SLC24A2: variants seen among roughly 807,000 people sequenced by gnomAD.
SLC24A2 encodes sodium/potassium/calcium exchanger 2.
A neutral mutation model predicts 62.0 loss-of-function variants in SLC24A2; 36 were observed. The observed-to-expected ratio is 0.58, with a 90% CI of 0.44 to 0.77. The LOEUF is 0.77. Ranked by LOEUF, SLC24A2 falls within the 30% of genes least tolerant of loss-of-function variation. The pLI is 0.00. For missense variants in SLC24A2, 846 were observed against 817.9 expected, an observed-to-expected ratio of 1.03 and a Z score of -0.42; for synonymous variants, 358 against 294.0, an observed-to-expected ratio of 1.22 and a Z score of -2.23.
chr9:20,196,014 G>A, the SLC24A2 span, among the ~76,000 whole-genome samples: 2 of 152,040 alleles, frequency 1.3e-5, no homozygotes, highest in Admixed American at 1.3e-4. Flanking sequence ...TACAATATCT[G>A]TTTAATAGCA....
At chr9:19,541,972 G>C (rs1834286219) in intron 8 of SLC24A2, among the ~76,000 whole-genome samples, 1 of 152,176 alleles carries the variant, frequency 6.6e-6, no homozygotes, top group South Asian at 2.1e-4. Flanking sequence ...CGATTTTCCA[G>C]GTGCCGTCTG....
chr9:19,824,067 C>T, the SLC24A2 span, among the ~76,000 whole-genome samples: 1 of 152,128 alleles, frequency 6.6e-6, no homozygotes, highest in African/African-American at 2.4e-5. Flanking sequence ...ACCATAAAAA[C>T]CCTAGAAGAA....
chr9:20,051,657 C>CTTTTTTTTTTTTTTCTTTTT, the SLC24A2 span, among the ~76,000 whole-genome samples: 1 of 73,516 alleles, frequency 1.4e-5, no homozygotes, highest in African/African-American at 6.1e-5. Context: ...TTTTCTTTCT[C>CTTTTTTTTTTTTTTCTTTTT]TTTTTTTTTT....
intron 2 of SLC24A2, among the ~76,000 whole-genome samples, chr9:19,663,721 G>T (rs1418506828): frequency 1.3e-5 from 2 of 152,148 alleles, no homozygotes; most frequent in Non-Finnish European, 2.9e-5. Context: ...CTCTGTAATG[G>T]AGTCTGCCCA....
chr9:19,695,763 A>G (rs1487244504), intron 2 of SLC24A2, among the ~76,000 whole-genome samples: 1 of 151,768 alleles, frequency 6.6e-6, no homozygotes, highest in African/African-American at 2.4e-5. Context: ...TAGACTATTC[A>G]TATAATTTGA....
At chr9:19,726,971 T>C (rs984487129) in intron 2 of SLC24A2, among the ~76,000 whole-genome samples, 1 of 152,222 alleles carries the variant, frequency 6.6e-6, no homozygotes, top group South Asian at 2.1e-4. Flanking sequence ...TAGATCATCA[T>C]ACTGTCAGAG....
the SLC24A2 span, among the ~76,000 whole-genome samples, chr9:20,116,103 G>A: frequency 5.3e-5 from 8 of 152,136 alleles, no homozygotes; most frequent in Non-Finnish European, 8.8e-5. Flanking sequence ...GTTGTCTCAA[G>A]ACCAAAAAGT....
chr9:19,833,867 C>G, the SLC24A2 span, among the ~76,000 whole-genome samples: 6 of 152,210 alleles, frequency 3.9e-5, no homozygotes, highest in African/African-American at 1.2e-4. Context: ...GGGTACTCCT[C>G]TGAGACAAAA....
At chr9:19,922,520 C>G in the SLC24A2 span, among the ~76,000 whole-genome samples, 5 of 152,094 alleles carry the variant, frequency 3.3e-5, no homozygotes, top group Non-Finnish European at 5.9e-5. Flanking sequence ...TCCTTGGGGA[C>G]TGAGGGTTTA....
At chr9:20,137,210 A>G in the SLC24A2 span, among the ~76,000 whole-genome samples, 1 of 152,232 alleles carries the variant, frequency 6.6e-6, no homozygotes, top group Admixed American at 6.5e-5. Flanking sequence ...AAAGTCTATA[A>G]TAAGAGGCAC....
chr9:19,767,968 T>C (rs1356474148), intron 2 of SLC24A2, among the ~76,000 whole-genome samples: 1 of 152,184 alleles, frequency 6.6e-6, no homozygotes, highest in Non-Finnish European at 1.5e-5. Context: ...TGAGGCAGCA[T>C]GGGGCATCGC....
At chr9:19,752,207 A>G (rs1487942179) in intron 2 of SLC24A2, among the ~76,000 whole-genome samples, 1 of 152,126 alleles carries the variant, frequency 6.6e-6, no homozygotes, top group Non-Finnish European at 1.5e-5. Flanking sequence ...GACTTGATCC[A>G]GGATGGAGCT....
the SLC24A2 span, among the ~76,000 whole-genome samples, chr9:20,233,865 T>C: frequency 0.022 from 3,285 of 152,290 alleles, 130 homozygotes; most frequent in African/African-American, 0.074. Flanking sequence ...TGGCTGGTAC[T>C]GGTTGTCCCT....
At chr9:19,766,452 T>C (rs572291493) in intron 2 of SLC24A2, among the ~76,000 whole-genome samples, 1 of 152,350 alleles carries the variant, frequency 6.6e-6, no homozygotes, top group East Asian at 1.9e-4. Flanking sequence ...CCTTTGGTCT[T>C]TGCTGTTGGT....
the SLC24A2 span, among the ~76,000 whole-genome samples, chr9:20,120,537 T>G: frequency 6.6e-6 from 1 of 152,044 alleles, no homozygotes; most frequent in Non-Finnish European, 1.5e-5. Flanking sequence ...AAATAGACAC[T>G]AGGGCCTACT....
the SLC24A2 span, among the ~76,000 whole-genome samples, chr9:20,256,753 T>C: frequency 2.8e-4 from 43 of 152,248 alleles, no homozygotes; most frequent in Non-Finnish European, 1.5e-5. Context: ...TCATCTACCA[T>C]ACCTAGACAG....
intron 2 of SLC24A2, among the ~76,000 whole-genome samples, chr9:19,746,517 T>C (rs73432030): frequency 0.015 from 2,225 of 152,236 alleles, 43 homozygotes; most frequent in African/African-American, 0.05. Context: ...ATCATAATAG[T>C]CTAGGGTGTC....
the SLC24A2 span, among the ~76,000 whole-genome samples, chr9:20,072,911 G>T: frequency 1.3e-5 from 2 of 152,080 alleles, no homozygotes; most frequent in Admixed American, 6.6e-5. Flanking sequence ...AACTGTAAGA[G>T]AATAAACATG....
At chr9:19,940,208 AGTT>A in the SLC24A2 span, among the ~76,000 whole-genome samples, 12 of 152,226 alleles carry the variant, frequency 7.9e-5, no homozygotes, top group Non-Finnish European at 4.4e-5. Flanking sequence ...TGAACATAGT[AGTT>A]AAGAGGCATC....
Sources: allele counts gnomAD v4.1 joint callset (sites outside exome capture counted in the v4.1 genomes callset), GRCh38; gene constraint gnomAD v4.1.1; transcripts MANE v1.5; gene names NCBI Gene and HGNC (gene_info 2026-07-23, HGNC 2026-07-21).